TMEM108: variants seen among roughly 807,000 people sequenced by gnomAD.
TMEM108 encodes the protein transmembrane protein 108.
A neutral mutation model predicts 35.1 loss-of-function variants in TMEM108; 12 were observed. The observed-to-expected ratio is 0.34, with a 90% CI of 0.22 to 0.55. The LOEUF is 0.55. TMEM108 is among the 20% of genes least tolerant of loss of function. TMEM108 has a pLI of 0.89. For synonymous variants in TMEM108, 287 were observed against 308.6 expected (o/e 0.93, Z 0.73); for missense variants, 680 against 753.3 (o/e 0.90, Z 1.14).
chr3:133,378,135 G>A (rs762303665), intron 3 of TMEM108, among the ~76,000 whole-genome samples: 9 of 152,194 alleles, frequency 5.9e-5, no homozygotes, highest in Non-Finnish European at 1.3e-4. Context: ...AGATTGTTTA[G>A]GGCAAATTTT....
At chr3:133,046,561 C>T (rs1298345334) in intron 2 of TMEM108, among the ~76,000 whole-genome samples, 1 of 152,136 alleles carries the variant, frequency 6.6e-6, no homozygotes, top group Non-Finnish European at 1.5e-5. Context: ...TTATTTTATC[C>T]AGCATCACTG....
intron 3 of TMEM108, among the ~76,000 whole-genome samples, chr3:133,347,374 A>C (rs2071852812): frequency 6.6e-6 from 1 of 151,956 alleles, no homozygotes; most frequent in African/African-American, 2.4e-5. Flanking sequence ...TTTATACCTA[A>C]GTGTTTTCTT....
chr3:133,361,280 T>G (rs1366201213), intron 3 of TMEM108, among the ~76,000 whole-genome samples: 1 of 152,220 alleles, frequency 6.6e-6, no homozygotes, highest in Non-Finnish European at 1.5e-5. Context: ...GAGCCTGCAC[T>G]AAGAGCAAGA....
At chr3:133,325,047 A>G (rs917107829) in intron 3 of TMEM108, among the ~76,000 whole-genome samples, 19 of 152,138 alleles carry the variant, frequency 1.2e-4, no homozygotes, top group African/African-American at 3.1e-4. Flanking sequence ...TAGCATCACA[A>G]TTCACAATTG....
intron 3 of TMEM108, among the ~76,000 whole-genome samples, chr3:133,333,436 T>C (rs1031389729): frequency 1.3e-5 from 2 of 152,166 alleles, no homozygotes; most frequent in African/African-American, 4.8e-5. Flanking sequence ...TTCCATACCT[T>C]TTGGCTATAG....
chr3:133,272,735 C>T (rs1946790138), intron 3 of TMEM108, among the ~76,000 whole-genome samples: 3 of 152,154 alleles, frequency 2.0e-5, no homozygotes, highest in Admixed American at 2.0e-4. Flanking sequence ...TTACCTCCTG[C>T]ATTTTTCTGA....
At chr3:133,234,675 C>T (rs1946206793) in intron 3 of TMEM108, among the ~76,000 whole-genome samples, 2 of 152,140 alleles carry the variant, frequency 1.3e-5, no homozygotes, top group South Asian at 4.1e-4. Context: ...GAAGCATTCC[C>T]TTTGAAAACT....
intron 2 of TMEM108, among the ~76,000 whole-genome samples, chr3:133,221,246 C>T (rs1430203099): frequency 6.6e-6 from 1 of 152,092 alleles, no homozygotes; most frequent in African/African-American, 2.4e-5. Context: ...CTTGATTTTT[C>T]TGGTGACCAG....
chr3:133,071,466 C>A (rs1943675253), intron 2 of TMEM108, among the ~76,000 whole-genome samples: 3 of 152,080 alleles, frequency 2.0e-5, no homozygotes. Context: ...CTTTAAAGAC[C>A]CTATCTTCAA....
chr3:133,079,199 C>G lies in TMEM108; in HGVS notation c.-47+33179C>G, dbSNP rs543453804. Among the ~76,000 whole-genome samples the G allele has an allele frequency of 5.3e-5, 8 of 152,302 alleles. No homozygotes were observed. In the South Asian group the frequency reaches 1.5e-3, roughly 28 times the overall value. On this transcript the variant is annotated intron_variant, in intron 2 of 5. Transcript: ENST00000321871. The stretch of plus-strand genomic sequence containing the variant: ...CCTGTGTGTAAAGAGGGGCCTTCAA[C>G]CCTGGTCAGGTGAGATGGAATATGC...
chr3:133,204,433 C>T (rs1290606817), intron 2 of TMEM108, among the ~76,000 whole-genome samples: 2 of 152,150 alleles, frequency 1.3e-5, no homozygotes, highest in African/African-American at 4.8e-5. Context: ...CTCCTGTGGG[C>T]ATTTAATGCT....
intron 5 of TMEM108, among the ~76,000 whole-genome samples, chr3:133,395,313 G>A (rs377708129): frequency 5.3e-5 from 8 of 152,182 alleles, no homozygotes; most frequent in East Asian, 1.9e-4. Context: ...GACTCAGAGC[G>A]GGAAGGAATT....
intron 3 of TMEM108, among the ~76,000 whole-genome samples, chr3:133,321,989 T>A (rs6788390): frequency 6.6e-6 from 1 of 151,978 alleles, no homozygotes; most frequent in Non-Finnish European, 1.5e-5. Context: ...AATGATAATT[T>A]TGACACAGCT....
At chr3:133,285,011 T>C (rs1397060869) in intron 3 of TMEM108, among the ~76,000 whole-genome samples, 2 of 152,184 alleles carry the variant, frequency 1.3e-5, no homozygotes, top group Non-Finnish European at 2.9e-5. Flanking sequence ...CTTTGTTTTA[T>C]AATTTCTTTT....
chr3:133,389,015 A>C (rs2073194268), intron 4 of TMEM108: 1 of 985,532 alleles, frequency 1.0e-6, no homozygotes, highest in South Asian at 4.7e-5. Context: ...TCTTGGCTTC[A>C]GCTCTCCTCA....
intron 2 of TMEM108, among the ~76,000 whole-genome samples, chr3:133,072,147 A>G (rs1268322149): frequency 6.6e-6 from 1 of 152,078 alleles, no homozygotes; most frequent in Non-Finnish European, 1.5e-5. Flanking sequence ...TGGGCTCTCT[A>G]TTCCATTTCT....
intron 2 of TMEM108, among the ~76,000 whole-genome samples, chr3:133,179,676 G>A (rs200423737): frequency 6.6e-6 from 1 of 151,986 alleles, no homozygotes; most frequent in Non-Finnish European, 1.5e-5. Context: ...GGAGTGGGGA[G>A]GGATAGCATT....
intron 2 of TMEM108, among the ~76,000 whole-genome samples, chr3:133,078,193 C>A (rs1163727634): frequency 8.5e-6 from 1 of 117,056 alleles, no homozygotes; most frequent in Admixed American, 9.4e-5. Flanking sequence ...GTGTGTATAT[C>A]TCAGATCTTT....
chr3:133,216,681 C>T (rs145764285), intron 2 of TMEM108, among the ~76,000 whole-genome samples: 194 of 151,996 alleles, frequency 1.3e-3, no homozygotes, highest in African/African-American at 4.3e-3. Context: ...TAAGTGAGAT[C>T]GTATGGTAGT....
Sources: allele counts gnomAD v4.1 joint callset (sites outside exome capture counted in the v4.1 genomes callset), GRCh38; gene constraint gnomAD v4.1.1; transcripts MANE v1.5; gene names NCBI Gene and HGNC (gene_info 2026-07-23, HGNC 2026-07-21).